CNTNAP2: variants seen among roughly 807,000 people sequenced by gnomAD.
CNTNAP2 encodes the protein contactin associated protein 2.
A neutral mutation model predicts 155.2 loss-of-function variants in CNTNAP2; 98 were observed. The observed-to-expected ratio is 0.63, with a 90% CI of 0.54 to 0.75. The LOEUF is 0.75. CNTNAP2 is among the 30% of genes least tolerant of loss of function. The probability of loss-of-function intolerance (pLI) is 0.00; values close to 1 mark genes in which losing one functional copy is unlikely to be tolerated. For missense variants in CNTNAP2, 1,727 were observed against 1,688.1 expected (o/e 1.02, Z -0.40); for synonymous variants, 651 against 631.2 (o/e 1.03, Z -0.47).
At position 147,539,126 on chromosome 7, in the gene CNTNAP2, T is replaced by C. The variant is rs191298967; in HGVS notation, c.1778-23012T>C. Reference sequence around the variant, plus strand: ...TTCTTATTTCAAAAGAATATATATATACACACATATATATACATATATCAA... The same window carrying C: ...TTCTTATTTCAAAAGAATATATATACACACACATATATATACATATATCAA... On this transcript the variant is annotated intron_variant, in intron 11 of 23. Coordinates refer to ENST00000361727, the MANE Select transcript of CNTNAP2 (RefSeq NM_014141.6). Among the ~76,000 whole-genome samples the C allele has an allele frequency of 5.8e-3, 886 of 152,220 alleles. 6 individuals are homozygous for C. Among genetic ancestry groups the C allele is most frequent in the Non-Finnish European group, 8.5e-3 (576 of 67,990 alleles).
chr7:146,324,754 C>G (rs1801067910), intron 1 of CNTNAP2, among the ~76,000 whole-genome samples: 1 of 151,166 alleles, frequency 6.6e-6, no homozygotes, highest in South Asian at 2.1e-4. Flanking sequence ...GTAGGGAAGG[C>G]TACAAAAATA....
chr7:147,187,375 A>G (rs907221035), intron 8 of CNTNAP2, among the ~76,000 whole-genome samples: 1 of 152,172 alleles, frequency 6.6e-6, no homozygotes, highest in African/African-American at 2.4e-5. Flanking sequence ...GTGCCCATCA[A>G]CGGTAGACTG....
intron 14 of CNTNAP2, among the ~76,000 whole-genome samples, chr7:147,947,664 A>G (rs1461026143): frequency 6.6e-6 from 1 of 151,980 alleles, no homozygotes; most frequent in Non-Finnish European, 1.5e-5. Flanking sequence ...CAGCAAGAGT[A>G]GCTCCCAATG....
chr7:146,990,706 T>G (rs1313428454), intron 3 of CNTNAP2, among the ~76,000 whole-genome samples: 4 of 152,132 alleles, frequency 2.6e-5, no homozygotes, highest in African/African-American at 9.7e-5. Flanking sequence ...TCTGATGTTA[T>G]TTTTAGAAGT....
intron 1 of CNTNAP2, among the ~76,000 whole-genome samples, chr7:146,689,579 C>T (rs1422909492): frequency 1.3e-5 from 2 of 152,016 alleles, no homozygotes; most frequent in Non-Finnish European, 2.9e-5. Flanking sequence ...CTGTCACTCT[C>T]GTTTTATTAT....
At chr7:147,574,186 A>G (rs1426794082) in intron 12 of CNTNAP2, among the ~76,000 whole-genome samples, 3 of 152,054 alleles carry the variant, frequency 2.0e-5, no homozygotes, top group African/African-American at 7.2e-5. Context: ...GCGTTCTATT[A>G]CTGCTTTATG....
intron 1 of CNTNAP2, among the ~76,000 whole-genome samples, chr7:146,280,785 C>G (rs1053609464): frequency 1.3e-5 from 2 of 152,162 alleles, no homozygotes; most frequent in Non-Finnish European, 2.9e-5. Context: ...TAACTCCTGG[C>G]CTAATCCTAC....
At chr7:147,422,828 A>G (rs1797317564) in intron 10 of CNTNAP2, among the ~76,000 whole-genome samples, 1 of 152,158 alleles carries the variant, frequency 6.6e-6, no homozygotes, top group Non-Finnish European at 1.5e-5. Flanking sequence ...TAAATACTTG[A>G]ACATATTTTT....
intron 14 of CNTNAP2, among the ~76,000 whole-genome samples, chr7:147,935,317 G>A (rs1478877490): frequency 6.6e-6 from 1 of 151,900 alleles, no homozygotes; most frequent in Admixed American, 6.6e-5. Flanking sequence ...AGTAGAGACG[G>A]GGTTTCACCA....
intron 1 of CNTNAP2, among the ~76,000 whole-genome samples, chr7:146,505,027 C>G (rs187200578): frequency 6.6e-6 from 1 of 152,318 alleles, no homozygotes; most frequent in South Asian, 2.1e-4. Flanking sequence ...CTCCCACTAA[C>G]GAGCCCCATC....
intron 3 of CNTNAP2, among the ~76,000 whole-genome samples, chr7:146,851,167 T>C (rs1009984971): frequency 2.0e-5 from 3 of 152,012 alleles, no homozygotes; most frequent in Non-Finnish European, 2.9e-5. Context: ...GTATGTTTAA[T>C]AGAGGTCGGG....
intron 2 of CNTNAP2, among the ~76,000 whole-genome samples, chr7:146,813,611 T>C (rs988876741): frequency 2.6e-5 from 4 of 151,968 alleles, no homozygotes; most frequent in African/African-American, 7.2e-5. Flanking sequence ...TTGTCTCAGA[T>C]GAGATGTTAG....
At chr7:146,570,599 C>T (rs1798426742) in intron 1 of CNTNAP2, among the ~76,000 whole-genome samples, 1 of 152,104 alleles carries the variant, frequency 6.6e-6, no homozygotes, top group Non-Finnish European at 1.5e-5. Context: ...GCACATTTAA[C>T]ATTTTCCTCT....
At chr7:147,373,696 T>C (rs2116919145) in intron 9 of CNTNAP2, among the ~76,000 whole-genome samples, 1 of 152,160 alleles carries the variant, frequency 6.6e-6, no homozygotes, top group South Asian at 2.1e-4. Flanking sequence ...TCCTGGAATT[T>C]AGTAGTGTTT....
chr7:146,477,676 T>C lies in CNTNAP2; in HGVS notation c.98-296595T>C, dbSNP rs1447483782. Among the ~76,000 whole-genome samples the C allele has an allele frequency of 5.9e-5, 8 of 136,452 alleles. No homozygotes were observed. In the South Asian group the frequency reaches 7.7e-4, roughly 13 times the overall value. The allele number at this position is 136,452 out of a possible 152,430, so 89.5% of individuals were successfully genotyped here. Reference sequence around the variant, plus strand: ...ACACACACACACACACACACACACATCTTCTGGATTGTATACTAAAAATTT... The same window carrying C: ...ACACACACACACACACACACACACACCTTCTGGATTGTATACTAAAAATTT... On this transcript the variant is annotated intron_variant, in intron 1 of 23. Coordinates refer to ENST00000361727, the MANE Select transcript of CNTNAP2 (RefSeq NM_014141.6).
intron 21 of CNTNAP2, among the ~76,000 whole-genome samples, chr7:148,283,130 T>C (rs927122919): frequency 7.2e-6 from 1 of 138,598 alleles, no homozygotes; most frequent in Non-Finnish European, 1.6e-5. Context: ...GCTCAGCTAC[T>C]TGGGAGGCTG....
chr7:147,598,212 C>T lies in CNTNAP2; in HGVS notation c.1897+35955C>T, dbSNP rs1033418425. Reference sequence around the variant, plus strand: ...TAAGTTCTGGAATACATGTGCAGAACGTGCAGGTTTGCTACATAGGTATAC... The same window carrying T: ...TAAGTTCTGGAATACATGTGCAGAATGTGCAGGTTTGCTACATAGGTATAC... On this transcript the variant is annotated intron_variant, in intron 12 of 23. Transcript: ENST00000361727. Among the ~76,000 whole-genome samples, 16 of 151,118 alleles carry T rather than the reference C, an allele frequency of 1.1e-4. No individual in the cohort carries two copies. In the East Asian group the frequency reaches 1.2e-3, roughly 11 times the overall value.
intron 21 of CNTNAP2, among the ~76,000 whole-genome samples, chr7:148,373,907 G>A (rs1798934624): frequency 6.6e-6 from 1 of 152,214 alleles, no homozygotes; most frequent in South Asian, 2.1e-4. Flanking sequence ...TTTAAATTTT[G>A]TGATGATCCA....
At chr7:146,661,235 G>A (rs1200789439) in intron 1 of CNTNAP2, among the ~76,000 whole-genome samples, 3 of 151,916 alleles carry the variant, frequency 2.0e-5, no homozygotes, top group African/African-American at 4.8e-5. Flanking sequence ...AGCCCTGGGT[G>A]AAACCACACT....
Sources: gnomAD v4.1 joint callset for allele counts (sites outside exome capture counted in the v4.1 genomes callset) on GRCh38, gnomAD v4.1.1 for gene constraint, MANE v1.5 for transcripts, NCBI Gene and HGNC (gene_info 2026-07-23, HGNC 2026-07-21) for gene names.